The following TNIK variants were observed in gnomAD, a reference collection of about 807,000 sequenced individuals.
TNIK encodes TRAF2 and NCK-interacting protein kinase.
Under a neutral mutation model 191.3 loss-of-function variants are expected in TNIK, and 49 were observed. The observed-to-expected ratio is 0.26, with a 90% CI of 0.20 to 0.32. The LOEUF is 0.32. Ranked by LOEUF, TNIK falls within the 10% of genes least tolerant of loss-of-function variation. TNIK has a pLI of 1.00. For synonymous variants in TNIK, 594 were observed against 600.9 expected (o/e 0.99, Z 0.17); for missense variants, 1,155 against 1,702.3 (o/e 0.68, Z 5.66).
chr3:171,116,734 T>G (rs575743796), intron 18 of TNIK, among the ~76,000 whole-genome samples: 4 of 151,790 alleles, frequency 2.6e-5, no homozygotes, highest in African/African-American at 9.7e-5. Context: ...ATTCAGAATG[T>G]AATTGTTTGA....
intron 2 of TNIK, among the ~76,000 whole-genome samples, chr3:171,237,040 T>C (rs1238721058): frequency 6.6e-6 from 1 of 152,156 alleles, no homozygotes; most frequent in Non-Finnish European, 1.5e-5. Context: ...CCTGTCTCAT[T>C]CACTTAATAG....
intron 2 of TNIK, among the ~76,000 whole-genome samples, chr3:171,362,633 G>A (rs1430686371): frequency 6.6e-6 from 1 of 152,188 alleles, no homozygotes; most frequent in African/African-American, 2.4e-5. Flanking sequence ...TGCCTACTAT[G>A]TGTCAGGCAC....
chr3:171,080,341 T>C (rs1246615553), intron 27 of TNIK, among the ~76,000 whole-genome samples: 1 of 152,194 alleles, frequency 6.6e-6, no homozygotes, highest in Admixed American at 6.5e-5. Flanking sequence ...TTGGGATGAC[T>C]CTTCCTAACT....
intron 3 of TNIK, among the ~76,000 whole-genome samples, chr3:171,213,220 A>G (rs1741057041): frequency 6.6e-6 from 1 of 152,054 alleles, no homozygotes; most frequent in South Asian, 2.1e-4. Flanking sequence ...GGCTATTTTT[A>G]AACTTGCTGT....
intron 18 of TNIK, among the ~76,000 whole-genome samples, chr3:171,120,116 A>C (rs748447939): frequency 3.9e-5 from 6 of 152,142 alleles, no homozygotes; most frequent in Non-Finnish European, 7.4e-5. Context: ...TGATCATTTT[A>C]ATTCAAGAGT....
chr3:171,066,305 A>G lies in TNIK; in HGVS notation c.3881T>C (p.Ile1294Thr). ...AATAGCTTTCTCGCCCCAGCCCATT[A>G]TCTGATTGGAATGAATGTAGGCTGT... ...TSVAYIHSNQIMGWGEKAIEI... is the reference protein window; with the variant it reads ...TSVAYIHSNQTMGWGEKAIEI... The change falls in exon 32 of 33, where the codon ATA becomes ACA. Residue 1294 changes from isoleucine (I) to threonine (T), a missense_variant. Transcript: ENST00000436636. 6.2e-7 allele frequency: 1 copy of G among 1,613,906 alleles called. No homozygotes were observed. Among genetic ancestry groups the G allele is most frequent in the Non-Finnish European group, 8.5e-7 (1 of 1,179,878 alleles).
At chr3:171,402,108 G>T (rs1431108069) in intron 1 of TNIK, among the ~76,000 whole-genome samples, 2 of 152,210 alleles carry the variant, frequency 1.3e-5, no homozygotes, top group Non-Finnish European at 2.9e-5. Flanking sequence ...ATAGCTAGTT[G>T]TTGAGCATTC....
chr3:171,403,375 G>A (rs1341996570), intron 1 of TNIK, among the ~76,000 whole-genome samples: 4 of 152,090 alleles, frequency 2.6e-5, no homozygotes, highest in African/African-American at 9.7e-5. Flanking sequence ...AGCACTTTGG[G>A]AGACGAAGGC....
intron 1 of TNIK, among the ~76,000 whole-genome samples, chr3:171,373,166 C>G (rs1182769260): frequency 6.6e-6 from 1 of 152,164 alleles, no homozygotes; most frequent in African/African-American, 2.4e-5. Context: ...TAGAGTACCT[C>G]TAAAGTAATT....
chr3:171,232,071 G>T (rs931529765), intron 2 of TNIK, among the ~76,000 whole-genome samples: 11 of 152,012 alleles, frequency 7.2e-5, no homozygotes, highest in Non-Finnish European at 1.6e-4. Flanking sequence ...TGCAACGAAG[G>T]GGATGTTATT....
intron 2 of TNIK, among the ~76,000 whole-genome samples, chr3:171,281,428 CT>C (rs1417950791): frequency 6.6e-6 from 1 of 152,166 alleles, no homozygotes; most frequent in Non-Finnish European, 1.5e-5. Flanking sequence ...AATTCTGGTG[CT>C]GCTATTTATC....
intron 22 of TNIK, among the ~76,000 whole-genome samples, chr3:171,100,379 C>T (rs2047714): frequency 0.043 from 6,483 of 152,158 alleles, 469 homozygotes; most frequent in African/African-American, 0.15. Context: ...TTAGATTTGC[C>T]TCTTAGAATC....
chr3:171,416,779 A>G (rs906723118), intron 1 of TNIK, among the ~76,000 whole-genome samples: 3 of 152,202 alleles, frequency 2.0e-5, no homozygotes, highest in Non-Finnish European at 4.4e-5. Context: ...TATTTACAAG[A>G]TGATTATGAA....
Position 171,316,289 on chromosome 3 carries a change from CA to C in TNIK, c.123+53330del, listed in dbSNP as rs553756367. Among the ~76,000 whole-genome samples the C allele has an allele frequency of 2.7e-3, 404 of 152,082 alleles. 3 individuals are homozygous for C. The highest frequency in any genetic ancestry group is 9.4e-3 in the African/African-American group (391 of 41,476). On this transcript the variant is annotated intron_variant, in intron 2 of 32. Transcript: ENST00000436636. ...GATAGATGAGTGAATTACCTAGATA[CA>C]AGCAGAAATGAGAAAAGCCTATACA...
rs1723580796 is a variant in TNIK at position 171,101,636 on chromosome 3, A to ATGAAAGAAAAATT, written c.2407-16_2407-4dup. 1 of 1,611,732 alleles carries ATGAAAGAAAAATT rather than the reference A, an allele frequency of 6.2e-7. No homozygotes were observed. The highest frequency in any genetic ancestry group is 8.5e-7 in the Non-Finnish European group (1 of 1,179,026). On this transcript the variant is annotated splice_region_variant and splice_polypyrimidine_tract_variant and intron_variant, in intron 21 of 32. Coordinates refer to ENST00000436636, the MANE Select transcript of TNIK (RefSeq NM_015028.4). ...TCTTTGGCTAATGCCGTCAGATCCT[A>ATGAAAGAAAAATT]TGAAAGAAAAATTTGTTCAGCATAT...
chr3:171,101,324 C>T, intron 22 of TNIK, 125 bp downstream of exon 22: 10 of 1,095,862 alleles, frequency 9.1e-6, no homozygotes, highest in Non-Finnish European at 1.2e-5. Context: ...AAACCCAAGT[C>T]CCGAAAGTCA....
intron 18 of TNIK, among the ~76,000 whole-genome samples, chr3:171,113,280 G>T (rs1225209734): frequency 6.6e-6 from 1 of 151,608 alleles, no homozygotes; most frequent in Non-Finnish European, 1.5e-5. Flanking sequence ...GGCTATTACC[G>T]ACGGGTAGAC....
intron 12 of TNIK, among the ~76,000 whole-genome samples, chr3:171,148,009 C>G (rs1457775444): frequency 6.6e-6 from 1 of 152,020 alleles, no homozygotes; most frequent in Admixed American, 6.5e-5. Context: ...CATAGCTTTC[C>G]CAATGTTCTC....
chr3:171,327,313 A>G (rs999761476), intron 2 of TNIK, among the ~76,000 whole-genome samples: 6 of 152,218 alleles, frequency 3.9e-5, no homozygotes, highest in African/African-American at 1.4e-4. Flanking sequence ...ACTATGGGTT[A>G]CAATTGTAGA....
Sources: allele counts gnomAD v4.1 joint callset (sites outside exome capture counted in the v4.1 genomes callset), GRCh38; gene constraint gnomAD v4.1.1; transcripts MANE v1.5; gene names NCBI Gene and HGNC (gene_info 2026-07-23, HGNC 2026-07-21).